Variants in KLC3 observed in about 807,000 individuals in gnomAD.
The protein encoded by KLC3 is kinesin light chain 3.
A neutral mutation model predicts 62.9 loss-of-function variants in KLC3; 72 were observed. The ratio of observed to expected loss-of-function variants is 1.15; its 90% confidence interval spans 0.95 to 1.39. The LOEUF (loss-of-function observed/expected upper bound fraction) is 1.39. Ranked by LOEUF, KLC3 falls within the 40% of genes most tolerant of loss-of-function variation. The pLI is 0.00. For missense variants in KLC3, 848 were observed against 691.6 expected (o/e 1.23, Z -2.54); for synonymous variants, 377 against 300.5 (o/e 1.25, Z -2.63).
Position 45,350,443 on chromosome 19 carries a change from G to A in KLC3, c.1234+12G>A. The A allele has an allele frequency of 2.5e-6, 4 of 1,612,786 alleles. No homozygotes were observed. The highest frequency in any genetic ancestry group is 1.1e-5 in the South Asian group (1 of 90,966). The stretch of plus-strand genomic sequence containing the variant: ...ACCCGCCCCTCTCGGTGAGCCCCTA[G>A]CCCCTGTCTGTCTTCCCTCCTGGTG... On this transcript the variant is annotated intron_variant, in intron 9 of 12. Transcript: ENST00000391946.
rs112894034 is a variant in KLC3, at chr19:45,349,336, G to A, written c.970-93G>A. 1,256 of 1,331,202 alleles carry A rather than the reference G, an allele frequency of 9.4e-4. 6 individuals carry two copies. The African/African-American group carries it at 0.013, about 13-fold the overall frequency. The allele number at this position is 1,331,202 out of a possible 1,614,324, so 82.5% of individuals were successfully genotyped here. A position where few individuals can be genotyped will look rare whatever the true frequency, so the allele number is the denominator to read the frequency against. ...TCAGGTCACTCTCTGCTTTGACCCT[G>A]TAATCCCCAACTCATGACCACCATA... On this transcript the variant is annotated intron_variant, in intron 7 of 12. Transcript: ENST00000391946.
At chr19:45,349,682 G>T in intron 8 of KLC3, 80 bp downstream of exon 8, 1 of 1,207,690 alleles carries the variant, frequency 8.3e-7, no homozygotes, top group South Asian at 1.7e-5. Flanking sequence ...GATACAGGGT[G>T]AGCAACGTGA....
Position 45,351,400 on chromosome 19 carries a change from C to A in KLC3, c.*43C>A. 6.2e-7 allele frequency: 1 copy of A among 1,602,782 alleles called. No individual in the cohort carries two copies. The highest frequency in any genetic ancestry group is 2.2e-5 in the East Asian group (1 of 44,808). On this transcript the variant is annotated 3_prime_UTR_variant, in exon 13 of 13. Transcript: ENST00000391946. ...TGGCCGCAGCTTCTTGGGAACAGTG[C>A]AGGAGGGATGGGCTGGTGGGGTGAG...
intron 8 of KLC3, chr19:45,349,972 C>T (rs1012336632): frequency 4.8e-5 from 20 of 414,526 alleles, no homozygotes; most frequent in South Asian, 7.2e-5. Flanking sequence ...ACTGAGGCAC[C>T]GAGGCCATGC....
intron 4 of KLC3, 53 bp downstream of exon 4, chr19:45,347,569 G>A: frequency 6.6e-7 from 1 of 1,520,054 alleles, no homozygotes; most frequent in Non-Finnish European, 9.0e-7. Flanking sequence ...GTGGGGAGGG[G>A]GCTCTGAGCT....
At chr19:45,350,601 G>T (rs374863110) in intron 10 of KLC3, 40 bp from the exon 11 acceptor site, 65 of 1,613,482 alleles carry the variant, frequency 4.0e-5, no homozygotes, top group Non-Finnish European at 5.3e-5. Context: ...GGGACTGCAT[G>T]GGCCTGGGGG....
In KLC3 at chr19:45,350,597, G is replaced by T. The variant is rs182786149; in HGVS notation, c.1273-44G>T. 1.5e-4 allele frequency: 247 copies of T among 1,613,646 alleles called. No homozygotes were observed. In the East Asian group the frequency reaches 5.3e-3, roughly 34 times the overall value. On this transcript the variant is annotated intron_variant, in intron 10 of 12. Coordinates refer to ENST00000391946, the MANE Select transcript of KLC3 (RefSeq NM_177417.3). ...GGCTCCTGGGGTGGGCGTGGGGACT[G>T]CATGGGCCTGGGGGACTGAGCAGCA...
chr19:45,346,534 C>G lies in KLC3; in HGVS notation c.259-10C>G, dbSNP rs150063439. ...AACCAACCTCGACTTGGGACCCCCA[C>G]CCCGGGCAGGTGCTGCTGGCCCTGT... On this transcript the variant is annotated splice_polypyrimidine_tract_variant and intron_variant, in intron 2 of 12. Coordinates refer to ENST00000391946, the MANE Select transcript of KLC3 (RefSeq NM_177417.3). 7.9e-6 allele frequency: 12 copies of G among 1,519,712 alleles called. No individual in the cohort carries two copies. Among genetic ancestry groups the G allele is most frequent in the Non-Finnish European group, 9.7e-6 (11 of 1,131,156 alleles). The allele number at this position is 1,519,712 out of a possible 1,614,324, so 94.1% of individuals were successfully genotyped here. A position where few individuals can be genotyped will look rare whatever the true frequency, so the allele number is the denominator to read the frequency against.
chr19:45,349,873 G>A lies in KLC3; in HGVS notation c.1143+271G>A, dbSNP rs934588717. 33 of 490,128 alleles carry A rather than the reference G, an allele frequency of 6.7e-5. 1 individual carries two copies. Among genetic ancestry groups the A allele is most frequent in the Admixed American group, 5.6e-4 (15 of 26,648 alleles). 30.4% of individuals were successfully genotyped at this position (490,128 alleles called of 1,614,324 possible). On this transcript the variant is annotated intron_variant, in intron 8 of 12. Coordinates refer to ENST00000391946, the MANE Select transcript of KLC3 (RefSeq NM_177417.3). ...GACATTTATTGAGCTCACTGTGGCC[G>A]GCTCCCCTCTTAGCCCGGTCCCCAC...
intron 1 of KLC3, chr19:45,345,327 T>C: frequency 1.5e-6 from 1 of 660,494 alleles, no homozygotes; most frequent in South Asian, 1.9e-5. Context: ...TAGACAAGAC[T>C]GTTCCAGATG....
Position 45,350,681 on chromosome 19 carries a change from C to CG in KLC3, c.1313_1314insG (p.Ile439TyrfsTer6). On this transcript the variant is annotated frameshift_variant, in exon 11 of 13. Transcript: ENST00000391946. LOFTEE classifies it high-confidence loss of function. ...AGCTCACTCTCCAAGATCCGTGAGT[C>CG]TATCAGGCGAGGAAGTGAGAAGCTG... 6.2e-7 allele frequency: 1 copy of CG among 1,613,850 alleles called. No individual in the cohort carries two copies. The highest frequency in any genetic ancestry group is 8.5e-7 in the Non-Finnish European group (1 of 1,179,926).
In KLC3 at chr19:45,348,847, G is replaced by C; in HGVS notation, c.895G>C (p.Val299Leu). 2.5e-6 allele frequency: 4 copies of C among 1,577,090 alleles called. No individual in the cohort carries two copies. Among genetic ancestry groups the C allele is most frequent in the Non-Finnish European group, 3.4e-6 (4 of 1,161,436 alleles). The change falls in exon 7 of 13, where the codon GTC becomes CTC. Residue 299 changes from valine to leucine, a missense_variant. Coordinates refer to ENST00000391946, the MANE Select transcript of KLC3 (RefSeq NM_177417.3). ...AVAATLNNLA[V>L]LYGKRGRYRE... ...GGCCGCCACGCTCAACAACTTGGCT[G>C]TCCTCTATGGGAAGCGTGGGCGTTA...
At chr19:45,341,951 C>T (rs539809444) in intron 1 of KLC3, among the ~76,000 whole-genome samples, 42 of 151,954 alleles carry the variant, frequency 2.8e-4, no homozygotes, top group Middle Eastern at 3.4e-3. Context: ...AGGGGGTCCG[C>T]GTCAGGGATC....
In KLC3 at chr19:45,350,588, G is replaced by A. The variant is rs367610871; in HGVS notation, c.1272+37G>A. 525 of 1,613,830 alleles carry A rather than the reference G, an allele frequency of 3.3e-4. 1 individual carries two copies. In the African/African-American group the frequency reaches 5.0e-3, roughly 15 times the overall value. On this transcript the variant is annotated intron_variant, in intron 10 of 12. Coordinates refer to ENST00000391946, the MANE Select transcript of KLC3 (RefSeq NM_177417.3). ...CTGTGCTTCGGCTCCTGGGGTGGGC[G>A]TGGGGACTGCATGGGCCTGGGGGAC...
In KLC3 at chr19:45,350,651, G is replaced by C; in HGVS notation, c.1283G>C (p.Arg428Pro). The C allele has an allele frequency of 1.2e-6, 2 of 1,613,502 alleles. No homozygotes were observed. Among genetic ancestry groups the C allele is most frequent in the Non-Finnish European group, 1.7e-6 (2 of 1,179,730 alleles). ...TAGDAEQALR[R>P]SSSLSKIRES... The stretch of plus-strand genomic sequence containing the variant: ...CCGGCCCCTCCCCAGGCCCTTCGCC[G>C]CAGCAGCTCACTCTCCAAGATCCGT... The change falls in exon 11 of 13, where the codon CGC (arginine) becomes CCC (proline). Residue 428 changes from arginine (R) to proline (P), a missense_variant. Coordinates refer to ENST00000391946, the MANE Select transcript of KLC3 (RefSeq NM_177417.3).
In KLC3 at chr19:45,350,725, G is replaced by A. The variant is rs766105457; in HGVS notation, c.1357G>A (p.Glu453Lys). 87 of 1,612,918 alleles carry A rather than the reference G, an allele frequency of 5.4e-5. No individual in the cohort carries two copies. The highest frequency in any genetic ancestry group is 3.3e-4 in the Middle Eastern group (2 of 6,056). The change falls in exon 11 of 13, where the codon GAG becomes AAG. Residue 453 changes from glutamate (E) to lysine (K), a missense_variant. By Grantham distance (56) the Glu-to-Lys change is moderately conservative. Transcript: ENST00000391946. ...SEKLVSRLRG[E>K]AAAGAAGMKR... The stretch of plus-strand genomic sequence containing the variant: ...GAAGCTGGTCTCCCGGCTCCGAGGC[G>A]AGGCGGCGGCAGGAGCAGCCGGGTG...
Position 45,350,953 on chromosome 19 carries a change from G to A in KLC3, c.1380-1G>A, listed in dbSNP as rs1372452347. 6 of 1,613,932 alleles carry A rather than the reference G, an allele frequency of 3.7e-6. No individual in the cohort carries two copies. Among genetic ancestry groups the A allele is most frequent in the Non-Finnish European group, 5.1e-6 (6 of 1,179,932 alleles). On this transcript the variant is annotated splice_acceptor_variant, in intron 11 of 12. Coordinates refer to ENST00000391946, the MANE Select transcript of KLC3 (RefSeq NM_177417.3). LOFTEE classifies it high-confidence loss of function. ...TTTCCTCCCTGCTGCCCTCTTTGCA[G>A]AATGAAGAGAGCCATGTCACTCAAC...
intron 12 of KLC3, 114 bp downstream of exon 12, chr19:45,351,131 C>T: frequency 6.2e-7 from 1 of 1,602,356 alleles, no homozygotes; most frequent in Non-Finnish European, 8.5e-7. Flanking sequence ...GGGTTGGTGT[C>T]AGAAGAGACC....
intron 2 of KLC3, 60 bp from the exon 3 acceptor site, chr19:45,346,484 G>A: frequency 7.1e-7 from 1 of 1,417,792 alleles, no homozygotes; most frequent in Non-Finnish European, 9.4e-7. Flanking sequence ...CCTGGGCTGG[G>A]TCAGGGGCCG....
Sources: gnomAD v4.1 joint callset for allele counts (sites outside exome capture counted in the v4.1 genomes callset) on GRCh38, gnomAD v4.1.1 for gene constraint, MANE v1.5 for transcripts, NCBI Gene and HGNC (gene_info 2026-07-23, HGNC 2026-07-21) for gene names.